The following DLG1 variants were observed in gnomAD, a reference collection of about 807,000 sequenced individuals.
DLG1 encodes discs large MAGUK scaffold protein 1.
In DLG1, 42 loss-of-function variants were observed where a neutral mutation model predicts 123.4. That is an observed-to-expected ratio of 0.34 (90% confidence interval 0.27 to 0.44). The LOEUF (loss-of-function observed/expected upper bound fraction) is 0.44, where lower values mean the gene tolerates loss of function less well. Ranked by LOEUF, DLG1 falls within the 20% of genes least tolerant of loss-of-function variation. The pLI, the probability that DLG1 is intolerant of heterozygous loss-of-function variation, is 1.00. For missense variants in DLG1, 942 were observed against 1,082.6 expected (o/e 0.87, Z 1.82); for synonymous variants, 317 against 356.2 (o/e 0.89, Z 1.24).
intron 4 of DLG1, among the ~76,000 whole-genome samples, chr3:197,269,621 C>T (rs756180684): frequency 2.0e-5 from 3 of 152,182 alleles, no homozygotes; most frequent in Admixed American, 2.0e-4. Context: ...AATACTGCAA[C>T]GTTGGGCAGT....
Position 197,243,467 on chromosome 3 carries a change from T to C in DLG1, c.318+39212A>G, listed in dbSNP as rs1439683392. On this transcript the variant is annotated intron_variant, in intron 4 of 24. Transcript: ENST00000667157. The stretch of plus-strand genomic sequence containing the variant: ...ATGACCTGACTTTGCTGTTCCTCAC[T>C]GTCTAGAAGTAAAAGTTTGTTAAAC... 2.0e-5 allele frequency among the ~76,000 whole-genome samples: 3 copies of C among 152,216 alleles called. No homozygotes were observed. In the East Asian group the frequency reaches 5.8e-4, roughly 29 times the overall value.
intron 11 of DLG1, among the ~76,000 whole-genome samples, chr3:197,126,034 T>C (rs1195104830): frequency 1.3e-5 from 2 of 152,326 alleles, no homozygotes; most frequent in Non-Finnish European, 2.9e-5. Flanking sequence ...ATGAATTGCA[T>C]ATGCAGAAGT....
chr3:197,043,970 A>T lies in DLG1; in HGVS notation c.*653T>A, dbSNP rs1721440074. On this transcript the variant is annotated 3_prime_UTR_variant, in exon 25 of 25. Transcript: ENST00000667157. ...CGATAGTGTTGCTCAAGTAGATTAA[A>T]AACATTGAAACGTTGTTATTCCTAG... The T allele has an allele frequency of 6.6e-6, 1 of 152,218 alleles. No individual in the cohort carries two copies. Among genetic ancestry groups the T allele is most frequent in the Admixed American group, 6.5e-5 (1 of 15,272 alleles). The allele number at this position is 152,218 out of a possible 1,614,324, so 9.4% of individuals were successfully genotyped here. A position where few individuals can be genotyped will look rare whatever the true frequency, so the allele number is the denominator to read the frequency against.
intron 4 of DLG1, among the ~76,000 whole-genome samples, chr3:197,239,022 GA>G (rs930730700): frequency 6.6e-6 from 1 of 151,686 alleles, no homozygotes; most frequent in African/African-American, 2.4e-5. Flanking sequence ...AGAAACAGAA[GA>G]AAAAACTTAA....
intron 4 of DLG1, among the ~76,000 whole-genome samples, chr3:197,232,876 T>C (rs945745913): frequency 6.6e-6 from 1 of 152,076 alleles, no homozygotes; most frequent in African/African-American, 2.4e-5. Context: ...ACAAAAAACC[T>C]ACATTTAACA....
chr3:197,051,056 T>C (rs750295944), intron 24 of DLG1, among the ~76,000 whole-genome samples: 4 of 152,178 alleles, frequency 2.6e-5, no homozygotes, highest in Admixed American at 6.5e-5. Flanking sequence ...GTTGTTCTAA[T>C]CAATAACCTA....
At chr3:197,297,475 G>A (rs1778033058) in intron 1 of DLG1, 2 of 1,326,614 alleles carry the variant, frequency 1.5e-6, no homozygotes, top group African/African-American at 1.5e-5. Context: ...CTCCTCGAAA[G>A]CGTCCCCTCC....
intron 4 of DLG1, among the ~76,000 whole-genome samples, chr3:197,252,392 T>C (rs190838169): frequency 6.6e-6 from 1 of 152,188 alleles, no homozygotes; most frequent in Non-Finnish European, 1.5e-5. Context: ...TAATAGAATA[T>C]TATTCAGCTT....
chr3:197,287,159 C>T (rs1403081956), intron 3 of DLG1, among the ~76,000 whole-genome samples: 1 of 151,988 alleles, frequency 6.6e-6, no homozygotes, highest in Admixed American at 6.6e-5. Context: ...CGTTGAGCCA[C>T]CACACATGGC....
intron 11 of DLG1, among the ~76,000 whole-genome samples, chr3:197,123,345 A>G (rs1421029855): frequency 6.6e-6 from 1 of 152,250 alleles, no homozygotes; most frequent in Non-Finnish European, 1.5e-5. Context: ...CAGTGAAGAC[A>G]TCTGCAACAG....
intron 15 of DLG1, among the ~76,000 whole-genome samples, chr3:197,088,125 C>G (rs888684194): frequency 8.5e-5 from 13 of 152,078 alleles, no homozygotes; most frequent in Non-Finnish European, 1.5e-4. Context: ...ATTTATCCCC[C>G]CCTTTACCCC....
chr3:197,087,403 G>A (rs1755052261), intron 15 of DLG1, among the ~76,000 whole-genome samples: 1 of 151,696 alleles, frequency 6.6e-6, no homozygotes, highest in Admixed American at 6.6e-5. Context: ...CAGGTGTGGT[G>A]GTGGTGGTGG....
chr3:197,176,865 A>G (rs1261788761), intron 5 of DLG1, among the ~76,000 whole-genome samples: 1 of 152,164 alleles, frequency 6.6e-6, no homozygotes, highest in East Asian at 1.9e-4. Flanking sequence ...TAATTTAAAA[A>G]AGCTTATATA....
intron 4 of DLG1, among the ~76,000 whole-genome samples, chr3:197,261,248 C>T (rs1325786603): frequency 6.6e-6 from 1 of 152,290 alleles, no homozygotes; most frequent in Non-Finnish European, 1.5e-5. Flanking sequence ...CTTTCAGTAT[C>T]ATAAGCTTCC....
In DLG1 at chr3:197,171,149, TTAAAAG is replaced by T. The variant is rs531262313; in HGVS notation, c.484-21359_484-21354del. Among the ~76,000 whole-genome samples the T allele has an allele frequency of 5.4e-3, 815 of 152,286 alleles. 7 individuals carry two copies. The highest frequency in any genetic ancestry group is 0.01 in the Non-Finnish European group (692 of 68,008). On this transcript the variant is annotated intron_variant, in intron 5 of 24. Coordinates refer to ENST00000667157, the MANE Select transcript of DLG1 (RefSeq NM_001366207.1). ...TCTGATTAAATGTCAAAGAAGCTAT[TTAAAAG>T]TAAGAGAGAAACTAAAAAAAACTGC...
intron 5 of DLG1, chr3:197,183,464 A>T (rs747657888): frequency 1.0e-6 from 1 of 976,970 alleles, no homozygotes; most frequent in Non-Finnish European, 1.5e-6. Flanking sequence ...ATTTCTACAC[A>T]TCCAAGGTTT....
At chr3:197,197,829 C>G (rs1723341897) in intron 4 of DLG1, among the ~76,000 whole-genome samples, 1 of 152,020 alleles carries the variant, frequency 6.6e-6, no homozygotes, top group Non-Finnish European at 1.5e-5. Flanking sequence ...ATAAAGAGTC[C>G]AGAAATAGAT....
At chr3:197,295,643 T>C (rs1777071092) in intron 3 of DLG1, among the ~76,000 whole-genome samples, 1 of 152,144 alleles carries the variant, frequency 6.6e-6, no homozygotes, top group Admixed American at 6.5e-5. Flanking sequence ...TTAAAAATGA[T>C]TTATCTACTT....
At chr3:197,184,528 A>C (rs1481201039) in intron 5 of DLG1, among the ~76,000 whole-genome samples, 1 of 152,206 alleles carries the variant, frequency 6.6e-6, no homozygotes, top group East Asian at 1.9e-4. Flanking sequence ...GCTTCATTAC[A>C]AATGGATTTT....
Sources: gnomAD v4.1 joint callset for allele counts (sites outside exome capture counted in the v4.1 genomes callset) on GRCh38, gnomAD v4.1.1 for gene constraint, MANE v1.5 for transcripts, NCBI Gene and HGNC (gene_info 2026-07-23, HGNC 2026-07-21) for gene names.